The following RAB31 variants were observed in gnomAD, a reference collection of about 807,000 sequenced individuals.
RAB31 encodes the protein RAB31, member RAS oncogene family, also known as ras-related protein Rab-31.
A neutral mutation model predicts 25.6 loss-of-function variants in RAB31; 21 were observed. That is an observed-to-expected ratio of 0.82 (90% CI 0.58 to 1.18). The LOEUF is 1.18. RAB31 is among the 50% of genes most tolerant of loss of function. RAB31 has a pLI of 0.00. For synonymous variants in RAB31, 87 were observed against 84.0 expected (o/e 1.04, Z -0.20); for missense variants, 196 against 250.1 (o/e 0.78, Z 1.46).
chr18:9,801,059 C>T (rs991404128), intron 3 of RAB31, among the ~76,000 whole-genome samples: 1 of 152,190 alleles, frequency 6.6e-6, no homozygotes, highest in Non-Finnish European at 1.5e-5. Flanking sequence ...ATCATACAAC[C>T]TGTGGTTCTT....
intron 6 of RAB31, among the ~76,000 whole-genome samples, chr18:9,857,712 ATAG>A (rs2068825805): frequency 6.6e-6 from 1 of 151,296 alleles, no homozygotes; most frequent in Non-Finnish European, 1.5e-5. Flanking sequence ...AGATAGATAG[ATAG>A]ATAGATAGAT....
rs530186244 is a variant in RAB31 at position 9,789,821 on chromosome 18, A to G, written c.120-2333A>G. ...AAATAAAGGAATAGATGTGGTTTTGATACTACTGGATTTGTCACTTAGAAT... is the reference window on the plus strand; with the variant it reads ...AAATAAAGGAATAGATGTGGTTTTGGTACTACTGGATTTGTCACTTAGAAT... On this transcript the variant is annotated intron_variant, in intron 2 of 6. Transcript: ENST00000578921. Among the ~76,000 whole-genome samples, 847 of 152,316 alleles carry G rather than the reference A, an allele frequency of 5.6e-3. 8 individuals carry two copies. The highest frequency in any genetic ancestry group is 0.019 in the African/African-American group (787 of 41,578).
At chr18:9,841,521 A>G (rs549994341) in intron 5 of RAB31, among the ~76,000 whole-genome samples, 2 of 139,266 alleles carry the variant, frequency 1.4e-5, no homozygotes, top group African/African-American at 5.4e-5. Flanking sequence ...CCTGGGCGAT[A>G]GAGTGAGACT....
At chr18:9,792,429 G>A (rs1297430420) in intron 3 of RAB31, among the ~76,000 whole-genome samples, 194 bp downstream of exon 3, 1 of 152,144 alleles carries the variant, frequency 6.6e-6, no homozygotes, top group African/African-American at 2.4e-5. Context: ...AGGCGGGGCT[G>A]AGTTCAGGTC....
At chr18:9,729,186 GTGATTTTGATGTTTTATGTCTTGC>G (rs1230000967) in intron 1 of RAB31, among the ~76,000 whole-genome samples, 7 of 152,182 alleles carry the variant, frequency 4.6e-5, no homozygotes, top group Admixed American at 3.3e-4. Context: ...TCAATCTTTT[GTGATTTTGATGTTTTATGTCTTGC>G]TTAGAAAATC....
chr18:9,828,465 T>A (rs557408309), intron 5 of RAB31, among the ~76,000 whole-genome samples: 1 of 152,296 alleles, frequency 6.6e-6, no homozygotes, highest in East Asian at 1.9e-4. Flanking sequence ...ATTCATGCAA[T>A]TTCCTGTGCA....
chr18:9,724,895 T>C (rs1311317597), intron 1 of RAB31, among the ~76,000 whole-genome samples: 1 of 152,206 alleles, frequency 6.6e-6, no homozygotes, highest in East Asian at 1.9e-4. Flanking sequence ...AACAACTTGT[T>C]AATATTTCTC....
chr18:9,741,319 G>C (rs1202044234), intron 1 of RAB31, among the ~76,000 whole-genome samples: 1 of 143,066 alleles, frequency 7.0e-6, no homozygotes, highest in Non-Finnish European at 1.5e-5. Flanking sequence ...AGAGGTTGCA[G>C]TGAGCCGAGA....
chr18:9,786,299 G>A (rs2068432531), intron 2 of RAB31, among the ~76,000 whole-genome samples: 1 of 152,232 alleles, frequency 6.6e-6, no homozygotes, highest in Admixed American at 6.5e-5. Context: ...TGGCAGCTCT[G>A]TGCCCCTGTC....
At chr18:9,771,026 C>T (rs2145488488) in intron 1 of RAB31, among the ~76,000 whole-genome samples, 1 of 152,142 alleles carries the variant, frequency 6.6e-6, no homozygotes, top group South Asian at 2.1e-4. Flanking sequence ...TTAAAAATAG[C>T]AGGGTGTGGC....
chr18:9,740,676 G>A (rs754928143), intron 1 of RAB31, among the ~76,000 whole-genome samples: 1 of 152,000 alleles, frequency 6.6e-6, no homozygotes, highest in Non-Finnish European at 1.5e-5. Flanking sequence ...TTGCACCACT[G>A]CACTCCAGCC....
intron 5 of RAB31, among the ~76,000 whole-genome samples, chr18:9,838,747 GCT>G (rs964381710): frequency 6.6e-6 from 1 of 152,156 alleles, no homozygotes; most frequent in East Asian, 1.9e-4. Context: ...CCAGCTCAGG[GCT>G]CACCTCGCTG....
intron 3 of RAB31, among the ~76,000 whole-genome samples, chr18:9,809,057 C>T (rs4366777): frequency 0.72 from 98,944 of 138,260 alleles, 32,502 homozygotes; most frequent in Non-Finnish European, 0.77. Context: ...TGTGTGTGTG[C>T]GCGCGCACGC....
chr18:9,713,456 T>C (rs2068028043), intron 1 of RAB31, among the ~76,000 whole-genome samples: 1 of 152,136 alleles, frequency 6.6e-6, no homozygotes, highest in South Asian at 2.1e-4. Context: ...AAATATGATA[T>C]AGTGGGCTAT....
intron 1 of RAB31, among the ~76,000 whole-genome samples, chr18:9,769,097 G>C (rs2068331088): frequency 6.6e-6 from 1 of 152,200 alleles, no homozygotes; most frequent in South Asian, 2.1e-4. Context: ...GGTTACTGTA[G>C]ACTTGTAGTA....
At chr18:9,836,539 C>T (rs1289125559) in intron 5 of RAB31, among the ~76,000 whole-genome samples, 1 of 152,210 alleles carries the variant, frequency 6.6e-6, no homozygotes, top group African/African-American at 2.4e-5. Context: ...TCAGACTTGA[C>T]TTTTTATAGT....
chr18:9,849,514 G>A (rs1012362700), intron 6 of RAB31: 1 of 152,334 alleles, frequency 6.6e-6, no homozygotes, highest in Admixed American at 6.5e-5. Context: ...TTTATGGGTA[G>A]GTGCCATGCT....
At chr18:9,848,876 C>T (rs888585749) in intron 6 of RAB31, among the ~76,000 whole-genome samples, 12 of 152,224 alleles carry the variant, frequency 7.9e-5, no homozygotes, top group Non-Finnish European at 1.6e-4. Flanking sequence ...GTTTTCTGAA[C>T]ATTGGCAAAT....
chr18:9,828,585 G>A (rs1353864891), intron 5 of RAB31, among the ~76,000 whole-genome samples: 1 of 152,046 alleles, frequency 6.6e-6, no homozygotes, highest in Non-Finnish European at 1.5e-5. Flanking sequence ...ATAAAGTTGT[G>A]GTTTTTAACA....
Sources: gnomAD v4.1 joint callset for allele counts (sites outside exome capture counted in the v4.1 genomes callset) on GRCh38, gnomAD v4.1.1 for gene constraint, MANE v1.5 for transcripts, NCBI Gene and HGNC (gene_info 2026-07-23, HGNC 2026-07-21) for gene names.